Variants in GALNT13 observed in about 807,000 individuals in gnomAD.
The protein encoded by GALNT13 is polypeptide N-acetylgalactosaminyltransferase 13, also known as UDP-GalNAc:polypeptide N-acetylgalactosaminyltransferase 13.
GALNT13 carries 28 observed loss-of-function variants against 64.2 expected under a neutral mutation model. The ratio of observed to expected loss-of-function variants is 0.44; its 90% CI spans 0.32 to 0.60. The LOEUF (loss-of-function observed/expected upper bound fraction) is 0.60, where lower values mean the gene tolerates loss of function less well. Among genes scored for constraint, GALNT13 ranks in the 20% least tolerant of loss-of-function variants. The pLI is 0.05. For missense variants in GALNT13, 577 were observed against 669.8 expected, an observed-to-expected ratio of 0.86 and a Z score of 1.53; for synonymous variants, 214 against 224.6, an observed-to-expected ratio of 0.95 and a Z score of 0.42.
intron 3 of GALNT13, among the ~76,000 whole-genome samples, chr2:153,951,832 T>G (rs1692206579): frequency 6.6e-6 from 1 of 152,156 alleles, no homozygotes; most frequent in Non-Finnish European, 1.5e-5. Flanking sequence ...TAAAGTGAAG[T>G]TTATGGACTG....
the GALNT13 span, among the ~76,000 whole-genome samples, chr2:153,383,188 A>G: frequency 5.9e-5 from 9 of 152,122 alleles, no homozygotes; most frequent in African/African-American, 2.2e-4. Flanking sequence ...ATAATCAGGC[A>G]GGTTTCTGGG....
At chr2:154,063,372 C>T (rs1185336875) in intron 3 of GALNT13, among the ~76,000 whole-genome samples, 1 of 152,054 alleles carries the variant, frequency 6.6e-6, no homozygotes, top group Non-Finnish European at 1.5e-5. Context: ...CCTCTACTGT[C>T]CTCATGTTTT....
chr2:153,745,751 C>T, the GALNT13 span, among the ~76,000 whole-genome samples: 4 of 152,122 alleles, frequency 2.6e-5, no homozygotes, highest in African/African-American at 9.7e-5. Flanking sequence ...AACATGGTCA[C>T]ACTCTGTCAC....
At chr2:153,867,368 A>G (rs890645448), upstream of GALNT13, among the ~76,000 whole-genome samples, 1 of 145,852 alleles carries the variant, frequency 6.9e-6, no homozygotes, top group Admixed American at 7.4e-5. Flanking sequence ...ATGTTATGGC[A>G]TATCTATAAA....
the GALNT13 span, among the ~76,000 whole-genome samples, chr2:153,444,609 C>CTGAT: frequency 6.6e-6 from 1 of 152,146 alleles, no homozygotes; most frequent in Admixed American, 6.5e-5. Flanking sequence ...ATGATGTACA[C>CTGAT]TGATAGATAA....
At chr2:153,916,637 G>A (rs920740715) in intron 2 of GALNT13, among the ~76,000 whole-genome samples, 30 of 152,126 alleles carry the variant, frequency 2.0e-4, no homozygotes, top group African/African-American at 7.0e-4. Context: ...TAAATGTTTC[G>A]GTGTGGATAG....
the GALNT13 span, among the ~76,000 whole-genome samples, chr2:153,182,646 G>A: frequency 1.7e-3 from 257 of 152,084 alleles, 7 homozygotes; most frequent in East Asian, 0.039. Flanking sequence ...GTGTTGCTTC[G>A]CACCATCTGT....
chr2:153,390,682 C>T, the GALNT13 span, among the ~76,000 whole-genome samples: 27 of 151,790 alleles, frequency 1.8e-4, no homozygotes, highest in Non-Finnish European at 2.8e-4. Flanking sequence ...TTTATTTCTC[C>T]CAATGACTCC....
the GALNT13 span, among the ~76,000 whole-genome samples, chr2:153,648,642 C>G: frequency 6.6e-6 from 1 of 152,094 alleles, no homozygotes; most frequent in Non-Finnish European, 1.5e-5. Context: ...TACGTCCCAT[C>G]AATACCTAAT....
chr2:153,772,931 G>T, the GALNT13 span, among the ~76,000 whole-genome samples: 1 of 152,150 alleles, frequency 6.6e-6, no homozygotes, highest in African/African-American at 2.4e-5. Flanking sequence ...GAGACTGCTC[G>T]CTGGACTCCC....
In GALNT13 at chr2:154,063,340, T is replaced by A. The variant is rs181047152; in HGVS notation, c.143-76997T>A. 1.1e-4 allele frequency among the ~76,000 whole-genome samples: 16 copies of A among 152,264 alleles called. No individual in the cohort carries two copies. The East Asian group carries it at 2.9e-3, about 28-fold the overall frequency. On this transcript the variant is annotated intron_variant, in intron 3 of 12. Transcript: ENST00000392825. ...TGCAGTTTGTCTTTTAGGGACTGAT[T>A]TGGTCTATGTTTCATTGATAACCTC... is the stretch of plus-strand genomic sequence containing the variant.
chr2:153,338,938 G>A, the GALNT13 span, among the ~76,000 whole-genome samples: 3 of 152,086 alleles, frequency 2.0e-5, no homozygotes, highest in East Asian at 3.9e-4. Context: ...GTTCATCCAC[G>A]TGAACTCCAA....
the GALNT13 span, among the ~76,000 whole-genome samples, chr2:153,647,516 T>C: frequency 6.6e-6 from 1 of 152,226 alleles, no homozygotes; most frequent in Admixed American, 6.5e-5. Context: ...TTGCTTTTGG[T>C]GTATTAAACA....
the GALNT13 span, among the ~76,000 whole-genome samples, chr2:153,590,696 C>T: frequency 4.6e-5 from 7 of 152,062 alleles, no homozygotes; most frequent in Non-Finnish European, 8.8e-5. Context: ...TTGGTACATA[C>T]ATCAACAGAA....
At chr2:154,069,969 A>G (rs1700660244) in intron 3 of GALNT13, among the ~76,000 whole-genome samples, 1 of 152,160 alleles carries the variant, frequency 6.6e-6, no homozygotes, top group Non-Finnish European at 1.5e-5. Flanking sequence ...AGAAAGTTTT[A>G]TTAGAATGCA....
At chr2:153,304,118 A>T in the GALNT13 span, among the ~76,000 whole-genome samples, 1 of 151,120 alleles carries the variant, frequency 6.6e-6, no homozygotes, top group African/African-American at 2.4e-5. Flanking sequence ...ATTACTCATT[A>T]TCAGATGCCA....
the GALNT13 span, among the ~76,000 whole-genome samples, chr2:153,589,156 G>T: frequency 1.3e-5 from 2 of 152,120 alleles, no homozygotes; most frequent in East Asian, 3.9e-4. Flanking sequence ...GAAAAGAAAA[G>T]AAATTTCTTC....
At chr2:153,580,800 T>C in the GALNT13 span, among the ~76,000 whole-genome samples, 1 of 152,182 alleles carries the variant, frequency 6.6e-6, no homozygotes, top group Non-Finnish European at 1.5e-5. Context: ...AAATGTCCAT[T>C]GCAGAAGTAA....
intron 8 of GALNT13, among the ~76,000 whole-genome samples, chr2:154,296,204 T>G (rs1692915346): frequency 6.6e-6 from 1 of 152,216 alleles, no homozygotes; most frequent in Non-Finnish European, 1.5e-5. Flanking sequence ...CAAGGTTCAC[T>G]GCATCACTGG....
Sources: allele counts gnomAD v4.1 joint callset (sites outside exome capture counted in the v4.1 genomes callset), GRCh38; gene constraint gnomAD v4.1.1; transcripts MANE v1.5; gene names NCBI Gene and HGNC (gene_info 2026-07-23, HGNC 2026-07-21).